MYO1B: variants seen among roughly 807,000 people sequenced by gnomAD.
MYO1B encodes myosin IB.
MYO1B carries 72 observed loss-of-function variants against 159.7 expected under a neutral mutation model. The observed-to-expected ratio is 0.45, with a 90% CI of 0.37 to 0.55. The LOEUF is 0.55. Among genes scored for constraint, MYO1B ranks in the 20% least tolerant of loss-of-function variants. The pLI is 0.00. For synonymous variants in MYO1B, 468 were observed against 473.8 expected (o/e 0.99, Z 0.16); for missense variants, 1,062 against 1,364.8 (o/e 0.78, Z 3.50).
chr2:191,376,978 G>T (rs1364649072), intron 13 of MYO1B, among the ~76,000 whole-genome samples: 1 of 152,166 alleles, frequency 6.6e-6, no homozygotes, highest in Non-Finnish European at 1.5e-5. Flanking sequence ...TGATACTTGT[G>T]AGTATAAAGT....
rs748010311 is a variant in MYO1B at position 191,402,961 on chromosome 2, A to G, written c.2556+243A>G. Among the ~76,000 whole-genome samples, 3 of 152,308 alleles carry G rather than the reference A, an allele frequency of 2.0e-5. No individual in the cohort carries two copies. In the South Asian group the frequency reaches 6.2e-4, roughly 32 times the overall value. ...AGCAATATGGCATGTTTTATTCAAG[A>G]TACTATGTTATCAAAGTTCTAGTTT... On this transcript the variant is annotated intron_variant, in intron 24 of 30. Transcript: ENST00000392318.
intron 1 of MYO1B, among the ~76,000 whole-genome samples, chr2:191,264,240 A>G (rs1253425481): frequency 6.6e-6 from 1 of 152,192 alleles, no homozygotes; most frequent in Non-Finnish European, 1.5e-5. Context: ...TGTTTGATCA[A>G]TTCTCAACTA....
intron 1 of MYO1B, among the ~76,000 whole-genome samples, chr2:191,275,061 A>G (rs1687666491): frequency 6.6e-6 from 1 of 151,910 alleles, no homozygotes; most frequent in Non-Finnish European, 1.5e-5. Flanking sequence ...CACTGCCACC[A>G]TGCCCGGCTA....
chr2:191,267,796 G>A (rs544391480), intron 1 of MYO1B, among the ~76,000 whole-genome samples: 2 of 152,278 alleles, frequency 1.3e-5, no homozygotes, highest in South Asian at 4.1e-4. Context: ...AAATACTAAG[G>A]AAGTGTCTTG....
chr2:191,423,935 G>T lies in MYO1B; in HGVS notation c.3386G>T (p.Arg1129Leu). ...SVPTCKRKNNRLLEVAVP is the reference protein window; with the variant it reads ...SVPTCKRKNNLLLEVAVP ...CCAACATGTAAACGAAAAAACAACC[G>T]TCTCCTTGAAGTTGCTGTCCCTTAA... Residue 1129 changes from arginine to leucine, a missense_variant, in exon 31 of 31, where the codon CGT becomes CTT. Arg to Leu is a moderately radical substitution (Grantham distance 102). Transcript: ENST00000392318. 6.2e-7 allele frequency: 1 copy of T among 1,613,762 alleles called. No homozygotes were observed. The highest frequency in any genetic ancestry group is 8.5e-7 in the Non-Finnish European group (1 of 1,179,842).
chr2:191,414,466 T>A, intron 28 of MYO1B, 51 bp from the exon 29 acceptor site: 2 of 1,511,348 alleles, frequency 1.3e-6, no homozygotes, highest in Non-Finnish European at 1.8e-6. Flanking sequence ...CATGGACCAT[T>A]TTTGAGTATT....
intron 1 of MYO1B, among the ~76,000 whole-genome samples, chr2:191,273,529 G>A (rs766749235): frequency 2.6e-5 from 4 of 152,138 alleles, no homozygotes; most frequent in African/African-American, 4.8e-5. Context: ...CAAGTGTCAC[G>A]TCTGCAAGTC....
At chr2:191,367,786 T>C (rs1694099085) in intron 11 of MYO1B, among the ~76,000 whole-genome samples, 1 of 152,172 alleles carries the variant, frequency 6.6e-6, no homozygotes, top group African/African-American at 2.4e-5. Flanking sequence ...GGAAATTATA[T>C]AGCCTCATGA....
At chr2:191,418,594 A>G (rs1275551836) in intron 30 of MYO1B, among the ~76,000 whole-genome samples, 1 of 145,130 alleles carries the variant, frequency 6.9e-6, no homozygotes, top group African/African-American at 2.6e-5. Flanking sequence ...GGTTCAAGGG[A>G]TTATTCTGCC....
chr2:191,300,432 C>A (rs528413733), intron 3 of MYO1B, among the ~76,000 whole-genome samples: 1 of 151,722 alleles, frequency 6.6e-6, no homozygotes, highest in South Asian at 2.1e-4. Flanking sequence ...CAACCTCCAC[C>A]TCCCAGGTTC....
At chr2:191,321,432 G>A (rs561137272) in intron 3 of MYO1B, among the ~76,000 whole-genome samples, 1 of 152,284 alleles carries the variant, frequency 6.6e-6, no homozygotes, top group Non-Finnish European at 1.5e-5. Flanking sequence ...AAGTGAGCCA[G>A]AAAGTCTATT....
chr2:191,261,892 A>G (rs750492109), intron 1 of MYO1B, among the ~76,000 whole-genome samples: 21 of 152,202 alleles, frequency 1.4e-4, no homozygotes, highest in Non-Finnish European at 2.6e-4. Flanking sequence ...ATATTTGTAG[A>G]GCTTCATTTA....
At chr2:191,335,605 G>A (rs567527714) in intron 4 of MYO1B, among the ~76,000 whole-genome samples, 1 of 152,214 alleles carries the variant, frequency 6.6e-6, no homozygotes, top group Non-Finnish European at 1.5e-5. Context: ...GTGTACATGT[G>A]TTCATTAAAA....
chr2:191,350,286 T>C (rs1286572631), intron 7 of MYO1B, 61 bp downstream of exon 7: 1 of 1,218,908 alleles, frequency 8.2e-7, no homozygotes, highest in African/African-American at 1.5e-5. Flanking sequence ...ATATTTATAG[T>C]AGAATAGTTT....
chr2:191,359,637 A>T (rs987577899), intron 7 of MYO1B, among the ~76,000 whole-genome samples: 3 of 152,182 alleles, frequency 2.0e-5, no homozygotes, highest in African/African-American at 7.2e-5. Context: ...AATACAAATT[A>T]AAAAGTTTAA....
At chr2:191,382,423 A>G (rs978213184) in intron 14 of MYO1B, among the ~76,000 whole-genome samples, 3 of 152,170 alleles carry the variant, frequency 2.0e-5, no homozygotes, top group African/African-American at 4.8e-5. Context: ...ATTTTAGAGT[A>G]CTCATTATGC....
At chr2:191,258,234 C>T (rs145600717) in intron 1 of MYO1B, among the ~76,000 whole-genome samples, 9 of 152,160 alleles carry the variant, frequency 5.9e-5, no homozygotes, top group Middle Eastern at 3.4e-3. Context: ...CCTGTACAGA[C>T]GTGTTACCAT....
At chr2:191,414,006 A>G (rs1697408147) in intron 27 of MYO1B, 42 bp from the exon 28 acceptor site, 1 of 1,554,126 alleles carries the variant, frequency 6.4e-7, no homozygotes, top group Non-Finnish European at 8.7e-7. Flanking sequence ...TGGTACTTTC[A>G]TTTGAAACTA....
chr2:191,302,021 T>C (rs1973067), intron 3 of MYO1B, among the ~76,000 whole-genome samples: 80,464 of 152,034 alleles, frequency 0.53, 22,042 homozygotes, highest in East Asian at 0.65. Flanking sequence ...CCCACTACTC[T>C]CCTTTGTGGA....
Sources: allele counts gnomAD v4.1 joint callset (sites outside exome capture counted in the v4.1 genomes callset), GRCh38; gene constraint gnomAD v4.1.1; transcripts MANE v1.5; gene names NCBI Gene and HGNC (gene_info 2026-07-23, HGNC 2026-07-21).